Variants in OLFM3 observed in about 807,000 individuals in gnomAD.
The protein encoded by OLFM3 is noelin-3.
Under a neutral mutation model 48.6 loss-of-function variants are expected in OLFM3, and 20 were observed. The ratio of observed to expected loss-of-function variants is 0.41; its 90% CI spans 0.29 to 0.60. The LOEUF (loss-of-function observed/expected upper bound fraction) is 0.60. Among genes scored for constraint, OLFM3 ranks in the 20% least tolerant of loss-of-function variants. OLFM3 has a pLI of 0.28. For synonymous variants in OLFM3, 222 were observed against 198.1 expected (o/e 1.12, Z -1.01); for missense variants, 437 against 544.3 (o/e 0.80, Z 1.96).
At chr1:101,823,353 A>G (rs1006802036) in intron 4 of OLFM3, among the ~76,000 whole-genome samples, 31 of 152,048 alleles carry the variant, frequency 2.0e-4, no homozygotes, top group African/African-American at 7.5e-4. Context: ...CAACATTTAA[A>G]CTGAGACCTG....
At chr1:101,986,259 C>T (rs113556760) in intron 1 of OLFM3, among the ~76,000 whole-genome samples, 1,948 of 152,184 alleles carry the variant, frequency 0.013, 21 homozygotes, top group Middle Eastern at 0.024. Flanking sequence ...CCACTGAGCC[C>T]GGCCTGAACT....
At chr1:101,978,825 CT>C (rs537274804) in intron 1 of OLFM3, among the ~76,000 whole-genome samples, 5 of 151,258 alleles carry the variant, frequency 3.3e-5, no homozygotes, top group Admixed American at 6.6e-5. Flanking sequence ...TCACATAGGT[CT>C]TTTTTTTTCT....
chr1:101,905,679 G>C (rs1462358944), intron 1 of OLFM3, among the ~76,000 whole-genome samples: 1 of 152,108 alleles, frequency 6.6e-6, no homozygotes, highest in African/African-American at 2.4e-5. Flanking sequence ...TAAACATTGT[G>C]AACACTGGCT....
intron 1 of OLFM3, among the ~76,000 whole-genome samples, chr1:101,891,485 A>G (rs1258595081): frequency 2.0e-5 from 3 of 151,944 alleles, no homozygotes; most frequent in Non-Finnish European, 4.4e-5. Flanking sequence ...AAAAATATTG[A>G]TGAGCTGCTG....
intron 1 of OLFM3, among the ~76,000 whole-genome samples, chr1:101,996,381 T>C (rs112429193): frequency 8.9e-4 from 135 of 152,312 alleles, no homozygotes; most frequent in African/African-American, 3.0e-3. Flanking sequence ...CATGTCCTAA[T>C]ACATGTTTAT....
At chr1:101,888,727 G>C (rs1255219998) in intron 1 of OLFM3, among the ~76,000 whole-genome samples, 1 of 152,106 alleles carries the variant, frequency 6.6e-6, no homozygotes, top group East Asian at 1.9e-4. Flanking sequence ...TACAGAATGG[G>C]AGAAAATTTT....
chr1:101,837,146 T>A, intron 1 of OLFM3, 121 bp from the exon 2 acceptor site: 1 of 1,011,428 alleles, frequency 9.9e-7, no homozygotes, highest in Non-Finnish European at 1.4e-6. Flanking sequence ...TTTCAATCTT[T>A]AAAGTTAGCA....
At chr1:101,922,226 C>A (rs1659119925) in intron 1 of OLFM3, among the ~76,000 whole-genome samples, 1 of 152,134 alleles carries the variant, frequency 6.6e-6, no homozygotes, top group Non-Finnish European at 1.5e-5. Flanking sequence ...TTAATACTAA[C>A]AATTATAGCT....
intron 1 of OLFM3, among the ~76,000 whole-genome samples, chr1:101,871,686 C>G (rs1255338911): frequency 6.6e-6 from 1 of 151,946 alleles, no homozygotes; most frequent in Non-Finnish European, 1.5e-5. Flanking sequence ...TATTTATAAT[C>G]TAAATTGTAT....
intron 1 of OLFM3, among the ~76,000 whole-genome samples, chr1:101,990,989 T>TGAAA (rs1661382852): frequency 1.1e-4 from 1 of 8,902 alleles, no homozygotes; most frequent in Non-Finnish European, 2.5e-4. Flanking sequence ...TGTCAAAAAG[T>TGAAA]AAAAAAAAAA....
At chr1:101,996,521 A>T (rs1411138768) in intron 1 of OLFM3, among the ~76,000 whole-genome samples, 1 of 152,112 alleles carries the variant, frequency 6.6e-6, no homozygotes, top group Non-Finnish European at 1.5e-5. Context: ...CATGCACATT[A>T]TATTTTCTCC....
intron 1 of OLFM3, among the ~76,000 whole-genome samples, chr1:101,919,169 A>G (rs1659016627): frequency 1.3e-5 from 2 of 152,196 alleles, no homozygotes; most frequent in African/African-American, 2.4e-5. Flanking sequence ...TTGTAAAACA[A>G]TGAAATACTA....
chr1:101,811,886 C>T (rs1453217689), intron 4 of OLFM3, among the ~76,000 whole-genome samples: 16 of 152,070 alleles, frequency 1.1e-4, no homozygotes, highest in South Asian at 2.1e-4. Context: ...CACATGCACA[C>T]GTATGTTTAT....
At chr1:101,986,838 A>G (rs1265143036) in intron 1 of OLFM3, among the ~76,000 whole-genome samples, 1 of 152,210 alleles carries the variant, frequency 6.6e-6, no homozygotes, top group East Asian at 1.9e-4. Context: ...ACTAGGTCTC[A>G]TATTAATTAA....
intron 1 of OLFM3, among the ~76,000 whole-genome samples, chr1:101,870,214 A>G (rs531349977): frequency 6.6e-6 from 1 of 152,206 alleles, no homozygotes; most frequent in South Asian, 2.1e-4. Context: ...ATGTGGATAT[A>G]TCTCTTTGTA....
At chr1:101,879,160 G>C (rs1657416904) in intron 1 of OLFM3, among the ~76,000 whole-genome samples, 1 of 151,832 alleles carries the variant, frequency 6.6e-6, no homozygotes, top group African/African-American at 2.4e-5. Flanking sequence ...TCATCCTTTT[G>C]TCAAGAGCTA....
chr1:101,863,411 A>G (rs1337135789), intron 1 of OLFM3, among the ~76,000 whole-genome samples: 1 of 152,202 alleles, frequency 6.6e-6, no homozygotes, highest in African/African-American at 2.4e-5. Context: ...AGCCCTTCAA[A>G]TATCAAGCTA....
At chr1:101,857,152 GTACTT>G (rs1656455752) in intron 1 of OLFM3, among the ~76,000 whole-genome samples, 1 of 151,870 alleles carries the variant, frequency 6.6e-6, no homozygotes, top group Non-Finnish European at 1.5e-5. Flanking sequence ...TGTTTCCCCA[GTACTT>G]TACATTTTCA....
intron 3 of OLFM3, among the ~76,000 whole-genome samples, chr1:101,825,918 A>G (rs964199887): frequency 6.6e-6 from 1 of 152,226 alleles, no homozygotes; most frequent in African/African-American, 2.4e-5. Context: ...CCAAGGCTCA[A>G]ATAAAGGTAT....
Sources: allele counts gnomAD v4.1 joint callset (sites outside exome capture counted in the v4.1 genomes callset), GRCh38; gene constraint gnomAD v4.1.1; transcripts MANE v1.5; gene names NCBI Gene and HGNC (gene_info 2026-07-23, HGNC 2026-07-21).